The following SNAPC1 variants were observed in gnomAD, a reference collection of about 807,000 sequenced individuals.
The protein encoded by SNAPC1 is small nuclear RNA activating complex polypeptide 1.
A neutral mutation model predicts 50.1 loss-of-function variants in SNAPC1; 42 were observed. The observed-to-expected ratio is 0.84, with a 90% confidence interval of 0.65 to 1.08. The LOEUF (loss-of-function observed/expected upper bound fraction) is 1.08. SNAPC1 is among the 50% of genes least tolerant of loss of function. The pLI is 0.00. For missense variants in SNAPC1, 477 were observed against 427.3 expected (o/e 1.12, Z -1.02); for synonymous variants, 164 against 144.2 (o/e 1.14, Z -0.98).
chr14:61,778,198 G>A, intron 6 of SNAPC1, 58 bp downstream of exon 6: 1 of 970,544 alleles, frequency 1.0e-6, no homozygotes, highest in Non-Finnish European at 1.6e-6. Flanking sequence ...ACTGAGCATT[G>A]TGACCCATGG....
chr14:61,765,856 C>G (rs186796434), intron 1 of SNAPC1, among the ~76,000 whole-genome samples: 6 of 152,298 alleles, frequency 3.9e-5, no homozygotes, highest in Non-Finnish European at 1.5e-5. Flanking sequence ...CTCCTCCTTT[C>G]TTCTGATGAG....
At chr14:61,765,114 A>G (rs755602667) in intron 1 of SNAPC1, among the ~76,000 whole-genome samples, 2 of 152,264 alleles carry the variant, frequency 1.3e-5, no homozygotes. Context: ...ATAGAAACCT[A>G]TAATATGCAC....
chr14:61,790,199 A>G (rs900732918), intron 8 of SNAPC1, among the ~76,000 whole-genome samples: 1 of 152,210 alleles, frequency 6.6e-6, no homozygotes. Flanking sequence ...GGTGCTCAGT[A>G]TATTGATGGA....
chr14:61,767,132 A>G lies in SNAPC1; in HGVS notation c.289-80A>G, dbSNP rs2044953817. 9 of 1,124,926 alleles carry G rather than the reference A, an allele frequency of 8.0e-6. No homozygotes were observed. In the South Asian group the frequency reaches 2.5e-4, roughly 31 times the overall value. The allele number at this position is 1,124,926 out of a possible 1,614,324, so 69.7% of individuals were successfully genotyped here. A position where few individuals can be genotyped will look rare whatever the true frequency, so the allele number is the denominator to read the frequency against. On this transcript the variant is annotated intron_variant, in intron 2 of 9. Coordinates refer to ENST00000216294, the MANE Select transcript of SNAPC1 (RefSeq NM_003082.4). The stretch of plus-strand genomic sequence containing the variant: ...TATGATTAAATATGATTTAAATAAA[A>G]TGCCAGTATTTTAAAATTATAATAT...
chr14:61,786,948 A>G (rs1426320064), intron 8 of SNAPC1, among the ~76,000 whole-genome samples: 6 of 152,260 alleles, frequency 3.9e-5, no homozygotes, highest in Admixed American at 3.9e-4. Flanking sequence ...ATGCAATGAA[A>G]TACAACCCAG....
intron 8 of SNAPC1, among the ~76,000 whole-genome samples, chr14:61,789,629 A>G (rs61379244): frequency 0.13 from 19,222 of 152,178 alleles, 1,432 homozygotes; most frequent in Non-Finnish European, 0.16. Context: ...GAAAAAGGCA[A>G]AGTAGCTGGG....
chr14:61,763,296 G>A (rs1221636346), intron 1 of SNAPC1, among the ~76,000 whole-genome samples: 1 of 151,822 alleles, frequency 6.6e-6, no homozygotes, highest in Non-Finnish European at 1.5e-5. Flanking sequence ...CGGCCCAAAA[G>A]TTGTTTTTCA....
rs761594882 is a variant in SNAPC1, at chr14:61,792,858, C to G, written c.1028C>G (p.Pro343Arg). The G allele has an allele frequency of 1.2e-6, 2 of 1,606,224 alleles. No homozygotes were observed. The highest frequency in any genetic ancestry group is 1.7e-6 in the Non-Finnish European group (2 of 1,175,396). ...GATAAACCTTTAAGTCTGAGTATGC[C>G]TGTAATTACAGAAGAAGAAGAGAAT... ...KEDKPLSLSM[P>R]VITEEEENES... Residue 343 changes from proline (P) to arginine (R), a missense_variant, in exon 9 of 10, where the codon CCT (proline) becomes CGT (arginine). Pro to Arg is a moderately radical substitution (Grantham distance 103). Transcript: ENST00000216294.
intron 8 of SNAPC1, among the ~76,000 whole-genome samples, chr14:61,787,200 G>A (rs779198111): frequency 3.9e-5 from 6 of 152,144 alleles, no homozygotes; most frequent in African/African-American, 1.2e-4. Context: ...CTATATTTTC[G>A]TTGCAGTGGT....
rs527882054 is a variant in SNAPC1, at chr14:61,762,478, C to T, written c.18C>T (p.Gly6=). MGTPP[G]LQTDCEALLS... The stretch of plus-strand genomic sequence containing the variant: ...CGGGTGCCATGGGGACTCCTCCCGG[C>T]CTGCAGACCGACTGCGAGGCGCTGC... The change falls in exon 1 of 10, where the codon GGC becomes GGT. Residue 6 remains glycine (G), a synonymous_variant. Coordinates refer to ENST00000216294, the MANE Select transcript of SNAPC1 (RefSeq NM_003082.4). The T allele has an allele frequency of 4.2e-6, 5 of 1,191,796 alleles. No individual in the cohort carries two copies. In the Admixed American group the frequency reaches 8.0e-5, roughly 19 times the overall value. The allele number at this position is 1,191,796 out of a possible 1,614,324, so 73.8% of individuals were successfully genotyped here. A position where few individuals can be genotyped will look rare whatever the true frequency, so the allele number is the denominator to read the frequency against.
chr14:61,788,487 A>G (rs2045130199), intron 8 of SNAPC1, among the ~76,000 whole-genome samples: 1 of 152,246 alleles, frequency 6.6e-6, no homozygotes, highest in Non-Finnish European at 1.5e-5. Flanking sequence ...AAGAGCTTTT[A>G]TAAATGAATA....
At chr14:61,783,233 G>A (rs1169368136) in intron 8 of SNAPC1, among the ~76,000 whole-genome samples, 1 of 151,640 alleles carries the variant, frequency 6.6e-6, no homozygotes, top group East Asian at 2.0e-4. Flanking sequence ...GTTTCACCAT[G>A]TTGGCCAGGC....
chr14:61,762,458 G>GC lies in SNAPC1; in HGVS notation c.-1dup. On this transcript the variant is annotated 5_prime_UTR_variant, in exon 1 of 10. Transcript: ENST00000216294. Reference sequence around the variant, plus strand: ...CTTCGGAGGCGTGCGGGCTTCGGGTGCCATGGGGACTCCTCCCGGCCTGCA... The same window carrying GC: ...CTTCGGAGGCGTGCGGGCTTCGGGTGCCCATGGGGACTCCTCCCGGCCTGCA... 1 of 1,612,712 alleles carries GC rather than the reference G, an allele frequency of 6.2e-7. No individual in the cohort carries two copies. The highest frequency in any genetic ancestry group is 8.5e-7 in the Non-Finnish European group (1 of 1,179,848).
chr14:61,774,233 C>T (rs1346212727), intron 4 of SNAPC1, among the ~76,000 whole-genome samples: 1 of 148,924 alleles, frequency 6.7e-6, no homozygotes, highest in Admixed American at 6.7e-5. Flanking sequence ...AATTCCTGGG[C>T]TCAAGCCATC....
At chr14:61,786,983 A>G (rs977149848) in intron 8 of SNAPC1, among the ~76,000 whole-genome samples, 1 of 152,262 alleles carries the variant, frequency 6.6e-6, no homozygotes, top group Non-Finnish European at 1.5e-5. Context: ...TCATACATCT[A>G]ACAACATAGA....
chr14:61,773,380 A>G (rs4489927), intron 4 of SNAPC1, among the ~76,000 whole-genome samples: 50,909 of 148,390 alleles, frequency 0.34, 9,274 homozygotes, highest in African/African-American at 0.44. Flanking sequence ...CCCTGCAGAG[A>G]AGGTGGTATT....
chr14:61,785,004 A>C (rs1212359113), intron 8 of SNAPC1, among the ~76,000 whole-genome samples: 1 of 152,224 alleles, frequency 6.6e-6, no homozygotes, highest in Non-Finnish European at 1.5e-5. Context: ...AAGGGTGACC[A>C]CTGTAAACCT....
chr14:61,778,799 C>G, intron 6 of SNAPC1, 49 bp from the exon 7 acceptor site: 1 of 1,107,932 alleles, frequency 9.0e-7, no homozygotes, highest in Non-Finnish European at 1.3e-6. Flanking sequence ...AGTTTTTCAC[C>G]TAATGTTTGT....
At chr14:61,786,355 A>G (rs2140184453) in intron 8 of SNAPC1, among the ~76,000 whole-genome samples, 1 of 152,318 alleles carries the variant, frequency 6.6e-6, no homozygotes, top group East Asian at 1.9e-4. Context: ...TAAGAAGATG[A>G]GAAGATAAGC....
Sources: gnomAD v4.1 joint callset for allele counts (sites outside exome capture counted in the v4.1 genomes callset) on GRCh38, gnomAD v4.1.1 for gene constraint, MANE v1.5 for transcripts, NCBI Gene and HGNC (gene_info 2026-07-23, HGNC 2026-07-21) for gene names.